Variants in CENPP observed in about 807,000 individuals in gnomAD.
CENPP encodes centromere protein P.
CENPP carries 24 observed loss-of-function variants against 35.6 expected under a neutral mutation model. That is an observed-to-expected ratio of 0.67 (90% CI 0.49 to 0.95). The LOEUF (loss-of-function observed/expected upper bound fraction) is 0.95, where lower values mean the gene tolerates loss of function less well. CENPP is among the 40% of genes least tolerant of loss of function. The pLI, the probability that CENPP is intolerant of heterozygous loss-of-function variation, is 0.00. For missense variants in CENPP, 332 were observed against 345.3 expected (o/e 0.96, Z 0.31); for synonymous variants, 120 against 125.5 (o/e 0.96, Z 0.29).
At chr9:92,468,874 A>G (rs541146340) in intron 5 of CENPP, among the ~76,000 whole-genome samples, 7 of 152,188 alleles carry the variant, frequency 4.6e-5, no homozygotes, top group Middle Eastern at 3.2e-3. Context: ...GATACCATTT[A>G]GTTTCTCATT....
At chr9:92,516,289 A>T (rs536327133) in intron 5 of CENPP, among the ~76,000 whole-genome samples, 3 of 151,736 alleles carry the variant, frequency 2.0e-5, no homozygotes, top group South Asian at 2.1e-4. Flanking sequence ...GGTCTCGAAC[A>T]CCTGACCTTG....
chr9:92,331,699 C>G (rs1313073240), intron 1 of CENPP, among the ~76,000 whole-genome samples: 1 of 152,144 alleles, frequency 6.6e-6, no homozygotes, highest in East Asian at 1.9e-4. Flanking sequence ...TGGTGGATCA[C>G]GCCTGTAATC....
intron 3 of CENPP, among the ~76,000 whole-genome samples, chr9:92,338,933 AATG>A (rs1253140925): frequency 6.6e-6 from 1 of 152,204 alleles, no homozygotes; most frequent in Non-Finnish European, 1.5e-5. Context: ...AAGCAGACAG[AATG>A]ATAACAAGTA....
In CENPP at chr9:92,593,244, A is replaced by G. The variant is rs1433639198; in HGVS notation, c.565-18070A>G. ...AAGGTGAGAAGGATTTGTCACCAGAAGAAGGGAGATGAGAAGGCTCACTGG... is the reference window on the plus strand; with the variant it reads ...AAGGTGAGAAGGATTTGTCACCAGAGGAAGGGAGATGAGAAGGCTCACTGG... On this transcript the variant is annotated intron_variant, in intron 5 of 7. Coordinates refer to ENST00000375587, the MANE Select transcript of CENPP (RefSeq NM_001012267.3). This position sits in a 1 kb window ranked among gnomAD's most constrained non-coding sequence, Gnocchi z 4.1. Among the ~76,000 whole-genome samples, 4 of 152,268 alleles carry G rather than the reference A, an allele frequency of 2.6e-5. No individual in the cohort carries two copies. The highest frequency in any genetic ancestry group is 4.1e-4 in the South Asian group (2 of 4,836).
intron 5 of CENPP, among the ~76,000 whole-genome samples, chr9:92,573,855 G>T (rs1850213171): frequency 6.6e-6 from 1 of 152,220 alleles, no homozygotes; most frequent in African/African-American, 2.4e-5. Flanking sequence ...AGACTGCTGT[G>T]CTAGCAGTGA....
chr9:92,326,142 C>G, intron 1 of CENPP, 37 bp downstream of exon 1: 3 of 1,384,164 alleles, frequency 2.2e-6, no homozygotes, highest in Non-Finnish European at 3.0e-6. Context: ...GGCCCGCTGG[C>G]CAGGGTTCCC....
intron 5 of CENPP, among the ~76,000 whole-genome samples, chr9:92,455,145 C>T (rs980059709): frequency 1.3e-5 from 2 of 152,126 alleles, no homozygotes; most frequent in African/African-American, 2.4e-5. Context: ...GCCTGTAATC[C>T]TAACACTTTA....
At chr9:92,533,328 A>AATATATATATATATATATATATATAT (rs202147064) in intron 5 of CENPP, among the ~76,000 whole-genome samples, 1 of 38,338 alleles carries the variant, frequency 2.6e-5, no homozygotes, top group Non-Finnish European at 4.3e-5. Context: ...AAAAAAAAAA[A>AATATATATATATATATATATATATAT]ATATATATAT....
At chr9:92,437,379 A>T (rs1041611957) in intron 5 of CENPP, among the ~76,000 whole-genome samples, 1 of 150,070 alleles carries the variant, frequency 6.7e-6, no homozygotes, top group Non-Finnish European at 1.5e-5. Flanking sequence ...CTTCTAGTGT[A>T]TGATTAGTCT....
At chr9:92,537,152 A>G (rs1849200793) in intron 5 of CENPP, among the ~76,000 whole-genome samples, 1 of 151,850 alleles carries the variant, frequency 6.6e-6, no homozygotes, top group African/African-American at 2.4e-5. Flanking sequence ...CTGGGATTAC[A>G]GGCATGAGCC....
rs74557509 is a variant in CENPP, at chr9:92,545,380, A to T, written c.565-65934A>T. Among the ~76,000 whole-genome samples the T allele has an allele frequency of 5.1e-4, 78 of 152,210 alleles. 1 individual carries two copies. In the Middle Eastern group the frequency reaches 0.014, roughly 27 times the overall value. ...CCGTACTGGGAGCGGGCAGTGAGGG[A>T]CTTAGCACCCCGGCCAGCAGCTGCG... On this transcript the variant is annotated intron_variant, in intron 5 of 7. Coordinates refer to ENST00000375587, the MANE Select transcript of CENPP (RefSeq NM_001012267.3).
rs1214621477 is a variant in CENPP, at chr9:92,539,984, A to AAATGCCCAT, written c.565-71329_565-71321dup. On this transcript the variant is annotated intron_variant, in intron 5 of 7. Transcript: ENST00000375587. Reference sequence around the variant, plus strand: ...TGTATACTTTCACCAGAAATATATAAAATGCCCATTTCCCTGCCACTTTAT... The same window carrying AAATGCCCAT: ...TGTATACTTTCACCAGAAATATATAAAATGCCCATAATGCCCATTTCCCTGCCACTTTAT... 1.8e-4 allele frequency among the ~76,000 whole-genome samples: 27 copies of AAATGCCCAT among 152,352 alleles called. No homozygotes were observed. In the East Asian group the frequency reaches 5.0e-3, roughly 28 times the overall value.
intron 5 of CENPP, chr9:92,528,110 C>G (rs1163567061): frequency 6.6e-6 from 1 of 152,220 alleles, no homozygotes; most frequent in African/African-American, 2.4e-5. Context: ...AAATCTGACT[C>G]CCAGCCAACA....
Position 92,576,508 on chromosome 9 carries a change from T to C in CENPP, c.565-34806T>C, listed in dbSNP as rs966212934. Among the ~76,000 whole-genome samples the C allele has an allele frequency of 2.6e-5, 4 of 152,212 alleles. No homozygotes were observed. In the South Asian group the frequency reaches 8.3e-4, roughly 32 times the overall value. ...GGTTAAGATGATAAATTTTATGTTA[T>C]CTGTATTTTACAACAATAATTTTTA... On this transcript the variant is annotated intron_variant, in intron 5 of 7. Transcript: ENST00000375587.
At chr9:92,389,876 C>G in intron 5 of CENPP, 1 of 1,611,448 alleles carries the variant, frequency 6.2e-7, no homozygotes. Context: ...TGCTTTGATT[C>G]CCCTACTCTT....
rs566572755 is a variant in CENPP at position 92,590,088 on chromosome 9, A to G, written c.565-21226A>G. On this transcript the variant is annotated intron_variant, in intron 5 of 7. Coordinates refer to ENST00000375587, the MANE Select transcript of CENPP (RefSeq NM_001012267.3). Reference sequence around the variant, plus strand: ...AGGATGTGGAACAGAAAAGACCCAAAGAGCTTTGCAAATGCTCCTGGAGGG... The same window carrying G: ...AGGATGTGGAACAGAAAAGACCCAAGGAGCTTTGCAAATGCTCCTGGAGGG... Among the ~76,000 whole-genome samples the G allele has an allele frequency of 6.6e-5, 10 of 152,358 alleles. No homozygotes were observed. The South Asian group carries it at 1.9e-3, about 28-fold the overall frequency.
intron 5 of CENPP, among the ~76,000 whole-genome samples, chr9:92,462,068 C>T (rs775311555): frequency 6.6e-6 from 1 of 152,086 alleles, no homozygotes; most frequent in African/African-American, 2.4e-5. Flanking sequence ...GCCTCCGCCT[C>T]CCAGGTTCAA....
At chr9:92,498,465 T>TA (rs1292538360) in intron 5 of CENPP, among the ~76,000 whole-genome samples, 2 of 151,804 alleles carry the variant, frequency 1.3e-5, no homozygotes, top group Non-Finnish European at 2.9e-5. Context: ...ATATATATAT[T>TA]AAAAAAAGAC....
Position 92,495,990 on chromosome 9 carries a change from G to A in CENPP, c.565-115324G>A, listed in dbSNP as rs1846326005. ...CTTACAGAGTTCTCAGCTAACACCA[G>A]TATTCAAGTTGATTATAAAGGCTGT... On this transcript the variant is annotated intron_variant, in intron 5 of 7. Transcript: ENST00000375587. 4.0e-6 allele frequency: 4 copies of A among 995,296 alleles called. No homozygotes were observed. The South Asian group carries it at 1.4e-4, about 35-fold the overall frequency. The allele number at this position is 995,296 out of a possible 1,614,324, so 61.7% of individuals were successfully genotyped here. A position where few individuals can be genotyped will look rare whatever the true frequency, so the allele number is the denominator to read the frequency against.
Sources: allele counts gnomAD v4.1 joint callset (sites outside exome capture counted in the v4.1 genomes callset), GRCh38; gene constraint gnomAD v4.1.1; non-coding constraint Gnocchi (gnomAD v3.1); transcripts MANE v1.5; gene names NCBI Gene and HGNC (gene_info 2026-07-23, HGNC 2026-07-21).